CFAP58: variants seen among roughly 807,000 people sequenced by gnomAD.
The protein encoded by CFAP58 is cilia- and flagella-associated protein 58.
A neutral mutation model predicts 119.5 loss-of-function variants in CFAP58; 88 were observed. That is an observed-to-expected ratio of 0.74 (90% confidence interval 0.62 to 0.88). The LOEUF is 0.88. CFAP58 is among the 40% of genes least tolerant of loss of function. CFAP58 has a pLI of 0.00. For missense variants in CFAP58, 990 were observed against 1,021.2 expected (o/e 0.97, Z 0.42); for synonymous variants, 365 against 366.3 (o/e 1.00, Z 0.04).
chr10:104,447,845 G>C, intron 16 of CFAP58, 28 bp downstream of exon 16: 1 of 1,576,152 alleles, frequency 6.3e-7, no homozygotes, highest in Non-Finnish European at 8.6e-7. Context: ...TTCCTTCCGG[G>C]TTCCAGGGCA....
At chr10:104,352,236 G>A (rs1011962154), upstream of CFAP58, among the ~76,000 whole-genome samples, 1 of 152,186 alleles carries the variant, frequency 6.6e-6, no homozygotes, top group Non-Finnish European at 1.5e-5. Flanking sequence ...TTCTGGAAGG[G>A]ATGGATGGAA....
chr10:104,401,255 A>G (rs1418064873), intron 13 of CFAP58, among the ~76,000 whole-genome samples: 1 of 152,240 alleles, frequency 6.6e-6, no homozygotes, highest in Admixed American at 6.5e-5. Flanking sequence ...TTAATAAGTC[A>G]GTATGCAAGA....
chr10:104,363,248 A>C (rs1218068413), intron 3 of CFAP58, among the ~76,000 whole-genome samples: 1 of 152,212 alleles, frequency 6.6e-6, no homozygotes, highest in African/African-American at 2.4e-5. Flanking sequence ...TCCCTGAAGG[A>C]AGGCACCTTT....
intron 15 of CFAP58, among the ~76,000 whole-genome samples, chr10:104,424,565 A>C (rs1204621616): frequency 6.6e-6 from 1 of 152,174 alleles, no homozygotes; most frequent in Non-Finnish European, 1.5e-5. Flanking sequence ...CAAGAAATTT[A>C]TGATCTATTT....
At chr10:104,354,088 C>G (rs1402103646) in intron 1 of CFAP58, among the ~76,000 whole-genome samples, 182 bp downstream of exon 1, 1 of 152,196 alleles carries the variant, frequency 6.6e-6, no homozygotes, top group Admixed American at 6.5e-5. Context: ...TCCTGTTTCT[C>G]CTTCATTTGT....
At chr10:104,415,108 G>A (rs2012528561) in intron 15 of CFAP58, among the ~76,000 whole-genome samples, 1 of 152,174 alleles carries the variant, frequency 6.6e-6, no homozygotes, top group Admixed American at 6.5e-5. Context: ...AGTGTACCAA[G>A]GGCTGTGATA....
chr10:104,342,566 C>G, the CFAP58 span, among the ~76,000 whole-genome samples: 1 of 151,572 alleles, frequency 6.6e-6, no homozygotes, highest in East Asian at 1.9e-4. Context: ...GGTGCTGTGG[C>G]TCCTGTCCGT....
At chr10:104,380,967 C>T (rs1381619460) in intron 9 of CFAP58, among the ~76,000 whole-genome samples, 5 of 151,946 alleles carry the variant, frequency 3.3e-5, no homozygotes, top group African/African-American at 7.3e-5. Context: ...CTGGACAGCA[C>T]GGTGAAACCC....
At chr10:104,392,521 G>A in intron 10 of CFAP58, 127 bp downstream of exon 10, 1 of 614,008 alleles carries the variant, frequency 1.6e-6, no homozygotes, top group Non-Finnish European at 2.5e-6. Context: ...CACCTGAAAA[G>A]ATCAATTTAC....
At chr10:104,345,640 C>T in the CFAP58 span, among the ~76,000 whole-genome samples, 1 of 152,070 alleles carries the variant, frequency 6.6e-6, no homozygotes, top group Non-Finnish European at 1.5e-5. Context: ...AGTGAACACA[C>T]AATGATAATG....
chr10:104,420,531 T>C (rs184658091), intron 15 of CFAP58, among the ~76,000 whole-genome samples: 39 of 152,260 alleles, frequency 2.6e-4, no homozygotes, highest in Middle Eastern at 3.4e-3. Context: ...TTTCTACCTA[T>C]CAGATACTAT....
chr10:104,364,758 G>C lies in CFAP58; in HGVS notation c.466G>C (p.Glu156Gln). The change falls in exon 4 of 18, where the codon GAA becomes CAA. Residue 156 changes from glutamate (E) to glutamine (Q), a missense_variant. By Grantham distance (29) the Glu-to-Gln change is conservative. Transcript: ENST00000369704. ...CATCCGAGATTTACTGAGGTTCAAA[G>C]AAGAAGTGACAAAGGAGAGAGACCA... ...SNIRDLLRFK[E>Q]EVTKERDQLL... The C allele has an allele frequency of 6.2e-7, 1 of 1,613,200 alleles. No homozygotes were observed. The highest frequency in any genetic ancestry group is 8.5e-7 in the Non-Finnish European group (1 of 1,179,624).
intron 15 of CFAP58, among the ~76,000 whole-genome samples, chr10:104,413,524 G>A (rs985557189): frequency 2.0e-5 from 3 of 152,180 alleles, no homozygotes; most frequent in African/African-American, 4.8e-5. Context: ...AGAAGCAGGG[G>A]CAATGGAAAC....
chr10:104,382,322 T>G lies in CFAP58; in HGVS notation c.1365+2102T>G, dbSNP rs112176091. 6.6e-4 allele frequency: 398 copies of G among 602,672 alleles called. 3 individuals are homozygous for G. The African/African-American group carries it at 6.9e-3, about 10-fold the overall frequency. The allele number at this position is 602,672 out of a possible 1,614,324, so 37.3% of individuals were successfully genotyped here. A position where few individuals can be genotyped will look rare whatever the true frequency, so the allele number is the denominator to read the frequency against. ...TGGTCCTCCTTAGGGAGGGGCCCTG[T>G]AGGGTGAGGCAGCAAATATATTTGA... On this transcript the variant is annotated intron_variant, in intron 9 of 17. Coordinates refer to ENST00000369704, the MANE Select transcript of CFAP58 (RefSeq NM_001008723.2).
chr10:104,398,717 G>A (rs1045300932), intron 11 of CFAP58, among the ~76,000 whole-genome samples: 38 of 152,140 alleles, frequency 2.5e-4, no homozygotes, highest in African/African-American at 8.4e-4. Context: ...TAATCAAGAC[G>A]CTGAAAAATT....
chr10:104,401,543 GA>G (rs1315230806), intron 13 of CFAP58, among the ~76,000 whole-genome samples: 1 of 152,188 alleles, frequency 6.6e-6, no homozygotes. Flanking sequence ...GCAATTGCAG[GA>G]AACCAAATAA....
chr10:104,409,083 G>A (rs1389998635), intron 15 of CFAP58, among the ~76,000 whole-genome samples: 1 of 143,076 alleles, frequency 7.0e-6, no homozygotes, highest in Non-Finnish European at 1.5e-5. Context: ...CTAGGTGACA[G>A]TGTGAGACCC....
chr10:104,357,960 T>TATATGTGTAC (rs2014601772), intron 1 of CFAP58, among the ~76,000 whole-genome samples: 1 of 122,036 alleles, frequency 8.2e-6, no homozygotes, highest in Non-Finnish European at 1.7e-5. Context: ...TATATACACA[T>TATATGTGTAC]ATATGTACAC....
chr10:104,443,315 A>G (rs373535260), intron 15 of CFAP58, among the ~76,000 whole-genome samples: 1 of 152,236 alleles, frequency 6.6e-6, no homozygotes, highest in Non-Finnish European at 1.5e-5. Context: ...AGTGAAGGCA[A>G]GATGGAATCT....
Sources: gnomAD v4.1 joint callset for allele counts (sites outside exome capture counted in the v4.1 genomes callset) on GRCh38, gnomAD v4.1.1 for gene constraint, MANE v1.5 for transcripts, NCBI Gene and HGNC (gene_info 2026-07-23, HGNC 2026-07-21) for gene names.